Variants in RASGEF1C observed in about 807,000 individuals in gnomAD.
RASGEF1C encodes the protein ras-GEF domain-containing family member 1C.
RASGEF1C carries 27 observed loss-of-function variants against 58.1 expected under a neutral mutation model. That is an observed-to-expected ratio of 0.46 (90% CI 0.34 to 0.64). The LOEUF (loss-of-function observed/expected upper bound fraction) is 0.64. Among genes scored for constraint, RASGEF1C ranks in the 30% least tolerant of loss-of-function variants. The pLI is 0.01. For synonymous variants in RASGEF1C, 243 were observed against 246.3 expected (o/e 0.99, Z 0.13); for missense variants, 502 against 605.1 (o/e 0.83, Z 1.79).
intron 6 of RASGEF1C, among the ~76,000 whole-genome samples, chr5:180,122,152 T>C (rs931442754): frequency 6.6e-6 from 1 of 152,232 alleles, no homozygotes; most frequent in African/African-American, 2.4e-5. Flanking sequence ...ATTGATCCGC[T>C]GGCAAAAGCC....
chr5:180,159,265 G>A (rs536606716), intron 1 of RASGEF1C, among the ~76,000 whole-genome samples: 6 of 151,276 alleles, frequency 4.0e-5, no homozygotes, highest in East Asian at 2.0e-4. Flanking sequence ...TCAGCCTCCC[G>A]AGTAGCTGGG....
intron 4 of RASGEF1C, among the ~76,000 whole-genome samples, chr5:180,130,429 C>T (rs918971119): frequency 6.6e-5 from 10 of 152,194 alleles, no homozygotes; most frequent in African/African-American, 9.7e-5. Context: ...TTGAGGGGCA[C>T]GGTCAGTCCC....
At chr5:180,113,265 A>AT (rs1243741166) in intron 11 of RASGEF1C, among the ~76,000 whole-genome samples, 5 of 80,486 alleles carry the variant, frequency 6.2e-5, no homozygotes, top group South Asian at 8.1e-4. Flanking sequence ...GGACGGAGGG[A>AT]CCGAGGATGG....
chr5:180,178,538 C>A (rs1035189686), intron 1 of RASGEF1C, among the ~76,000 whole-genome samples: 40 of 152,188 alleles, frequency 2.6e-4, no homozygotes, highest in African/African-American at 5.3e-4. Flanking sequence ...CCTCAGCCCC[C>A]CAAAGTGCTG....
At chr5:180,183,243 A>C (rs1450709948) in intron 1 of RASGEF1C, among the ~76,000 whole-genome samples, 1 of 152,152 alleles carries the variant, frequency 6.6e-6, no homozygotes, top group Non-Finnish European at 1.5e-5. Flanking sequence ...ACACTAAAAC[A>C]CAGATGAGAC....
chr5:180,142,942 C>G (rs1265467247), intron 1 of RASGEF1C, among the ~76,000 whole-genome samples: 1 of 152,114 alleles, frequency 6.6e-6, no homozygotes, highest in Non-Finnish European at 1.5e-5. Context: ...AGAGGAAATG[C>G]CTGGCTCTGG....
At chr5:180,139,760 A>C (rs11249673) in intron 1 of RASGEF1C, among the ~76,000 whole-genome samples, 109,919 of 152,144 alleles carry the variant, frequency 0.72, 42,076 homozygotes, top group South Asian at 0.97. Flanking sequence ...TGGGAGGGGG[A>C]CAGCTGCGGG....
At chr5:180,110,647 T>C (rs898727707) in intron 12 of RASGEF1C, among the ~76,000 whole-genome samples, 1 of 152,070 alleles carries the variant, frequency 6.6e-6, no homozygotes, top group African/African-American at 2.4e-5. Context: ...CAAACCTACA[T>C]CTGACAAATG....
At position 180,137,658 on chromosome 5, in the gene RASGEF1C, C is replaced by G. The variant is rs769389621; in HGVS notation, c.232G>C (p.Glu78Gln). Reference protein sequence around the residue: ...LSSRLFIEPRELLARVCHLCI... With the variant: ...LSSRLFIEPRQLLARVCHLCI... ...AGGTGGCAGACCCGGGCCAGGAGCT[C>G]CCGGGGCTCGATGAAGAGGCGAGAG... The change falls in exon 3 of 14, where the codon GAG becomes CAG. Residue 78 changes from glutamate (E) to glutamine (Q), a missense_variant. Coordinates refer to ENST00000361132, the MANE Select transcript of RASGEF1C (RefSeq NM_175062.4). This position sits in a 1 kb window ranked among gnomAD's most constrained non-coding sequence, Gnocchi z 4.1. The G allele has an allele frequency of 6.2e-7, 1 of 1,612,822 alleles. No homozygotes were observed. The highest frequency in any genetic ancestry group is 1.1e-5 in the South Asian group (1 of 91,062).
At position 180,101,421 on chromosome 5, in the gene RASGEF1C, C is replaced by G. The variant is rs1454575170; in HGVS notation, c.*80G>C. The G allele has an allele frequency of 7.7e-6, 12 of 1,558,584 alleles. No homozygotes were observed. The Admixed American group carries it at 1.5e-4, about 20-fold the overall frequency. On this transcript the variant is annotated 3_prime_UTR_variant, in exon 14 of 14. Coordinates refer to ENST00000361132, the MANE Select transcript of RASGEF1C (RefSeq NM_175062.4). ...AAAATAGTGAGGCACTCCCTGGCCT[C>G]TGCCCACTGGGCCACTGAGGCAGGG...
chr5:180,150,610 A>G (rs1581108682), intron 1 of RASGEF1C, among the ~76,000 whole-genome samples: 1 of 151,970 alleles, frequency 6.6e-6, no homozygotes, highest in Admixed American at 6.6e-5. Context: ...TAGGCGGATC[A>G]CCTGAGGTCA....
At chr5:180,200,214 T>C (rs1756359922) in intron 1 of RASGEF1C, among the ~76,000 whole-genome samples, 1 of 151,062 alleles carries the variant, frequency 6.6e-6, no homozygotes, top group African/African-American at 2.4e-5. Context: ...TGCAGTGAGC[T>C]GAGATTGTGC....
rs1209313732 is a variant in RASGEF1C, at chr5:180,170,277, A to G, written c.-6-32219T>C. 2.0e-5 allele frequency among the ~76,000 whole-genome samples: 3 copies of G among 151,978 alleles called. No homozygotes were observed. The East Asian group carries it at 5.8e-4, about 29-fold the overall frequency. On this transcript the variant is annotated intron_variant, in intron 1 of 13. Coordinates refer to ENST00000361132, the MANE Select transcript of RASGEF1C (RefSeq NM_175062.4). ...GAGGCCCTGGCCAGGGCTGAGGCTGACAGAGGTGACCCGGCTGCTCCCATA... is the reference window on the plus strand; with the variant it reads ...GAGGCCCTGGCCAGGGCTGAGGCTGGCAGAGGTGACCCGGCTGCTCCCATA...
intron 10 of RASGEF1C, among the ~76,000 whole-genome samples, chr5:180,115,062 T>C (rs1766039848): frequency 6.6e-6 from 1 of 152,000 alleles, no homozygotes; most frequent in African/African-American, 2.4e-5. Context: ...TCACCCAGGC[T>C]GGAGTGCAAT....
chr5:180,102,664 G>GGTTTTGTTTTGTTTT (rs149505914), intron 12 of RASGEF1C, among the ~76,000 whole-genome samples: 6 of 150,480 alleles, frequency 4.0e-5, no homozygotes, highest in African/African-American at 1.2e-4. Context: ...TCCTCCATTG[G>GGTTTTGTTTTGTTTT]GTTTTGTTTT....
rs552976890 is a variant in RASGEF1C at position 180,107,437 on chromosome 5, G to A, written c.1303+4020C>T. On this transcript the variant is annotated intron_variant, in intron 12 of 13. Transcript: ENST00000361132. Reference sequence around the variant, plus strand: ...TTAATTCCTGAAGGATGTTTTCACCGTATATAGGATTCTGGCTTGACAGTT... The same window carrying A: ...TTAATTCCTGAAGGATGTTTTCACCATATATAGGATTCTGGCTTGACAGTT... Among the ~76,000 whole-genome samples the A allele has an allele frequency of 3.4e-3, 523 of 152,036 alleles. 2 individuals carry two copies. Among genetic ancestry groups the A allele is most frequent in the Non-Finnish European group, 6.1e-3 (413 of 67,980 alleles).
chr5:180,106,719 A>G (rs1765879620), intron 12 of RASGEF1C, among the ~76,000 whole-genome samples: 1 of 152,182 alleles, frequency 6.6e-6, no homozygotes, highest in South Asian at 2.1e-4. Context: ...TTCTGGGGGC[A>G]ATTTTAAAAA....
Position 180,126,002 on chromosome 5 carries a change from C to A in RASGEF1C, c.714+1607G>T, listed in dbSNP as rs536427494. 9.1e-4 allele frequency among the ~76,000 whole-genome samples: 138 copies of A among 152,264 alleles called. 1 individual carries two copies. Among genetic ancestry groups the A allele is most frequent in the South Asian group, 6.8e-3 (33 of 4,820 alleles). ...ATTTATAACAGCAAAAAGCTGGACA[C>A]ACAAATGTTCATCTACAGTAGGGGG... is the stretch of plus-strand genomic sequence containing the variant. On this transcript the variant is annotated intron_variant, in intron 6 of 13. Transcript: ENST00000361132.
chr5:180,154,663 C>T (rs1581110981), intron 1 of RASGEF1C, among the ~76,000 whole-genome samples: 2 of 151,650 alleles, frequency 1.3e-5, no homozygotes, highest in East Asian at 3.9e-4. Flanking sequence ...TCACTGCAAG[C>T]TCTGCCTCCC....
Sources: allele counts gnomAD v4.1 joint callset (sites outside exome capture counted in the v4.1 genomes callset), GRCh38; gene constraint gnomAD v4.1.1; non-coding constraint Gnocchi (gnomAD v3.1); transcripts MANE v1.5; gene names NCBI Gene and HGNC (gene_info 2026-07-23, HGNC 2026-07-21).